The following PTPRT variants were observed in gnomAD, a reference collection of about 807,000 sequenced individuals.
PTPRT encodes protein tyrosine phosphatase receptor type T.
A neutral mutation model predicts 176.8 loss-of-function variants in PTPRT; 56 were observed. The observed-to-expected ratio is 0.32, with a 90% CI of 0.26 to 0.40. The LOEUF (loss-of-function observed/expected upper bound fraction) is 0.40, where lower values mean the gene tolerates loss of function less well. Ranked by LOEUF, PTPRT falls within the 10% of genes least tolerant of loss-of-function variation. The probability of loss-of-function intolerance (pLI) is 1.00; values close to 1 mark genes in which losing one functional copy is unlikely to be tolerated. For missense variants in PTPRT, 1,540 were observed against 1,908.2 expected (o/e 0.81, Z 3.60); for synonymous variants, 783 against 739.0 (o/e 1.06, Z -0.96).
At chr20:43,010,559 G>C (rs984099219) in intron 1 of PTPRT, among the ~76,000 whole-genome samples, 1 of 152,086 alleles carries the variant, frequency 6.6e-6, no homozygotes, top group Admixed American at 6.6e-5. Context: ...GAGATATTGA[G>C]GTAAAGCATT....
chr20:42,560,121 T>C (rs1383775913), intron 7 of PTPRT, among the ~76,000 whole-genome samples: 4 of 152,220 alleles, frequency 2.6e-5, no homozygotes, highest in Non-Finnish European at 5.9e-5. Context: ...CCAGGCTCAC[T>C]GGGAACTCTG....
chr20:42,182,853 C>A (rs1005798018), intron 16 of PTPRT, among the ~76,000 whole-genome samples: 9 of 151,542 alleles, frequency 5.9e-5, no homozygotes, highest in African/African-American at 1.2e-4. Flanking sequence ...TGCTTCATTA[C>A]AGAGAGTTGG....
At chr20:42,489,671 C>G (rs2071528212) in intron 7 of PTPRT, among the ~76,000 whole-genome samples, 1 of 152,162 alleles carries the variant, frequency 6.6e-6, no homozygotes, top group Non-Finnish European at 1.5e-5. Context: ...ACTTTATTCA[C>G]TCAGCATTAT....
intron 9 of PTPRT, among the ~76,000 whole-genome samples, chr20:42,409,784 G>T (rs954324858): frequency 1.3e-5 from 2 of 152,192 alleles, no homozygotes; most frequent in Non-Finnish European, 2.9e-5. Context: ...GTAAAGTTTT[G>T]TTAGAATATA....
intron 30 of PTPRT, 54 bp downstream of exon 30, chr20:42,081,828 G>A: frequency 1.3e-6 from 2 of 1,595,738 alleles, no homozygotes; most frequent in South Asian, 1.1e-5. Flanking sequence ...TTTTCTCCAG[G>A]TCAAGGGAAC....
At chr20:42,811,475 A>G (rs2077696848) in intron 2 of PTPRT, among the ~76,000 whole-genome samples, 1 of 152,238 alleles carries the variant, frequency 6.6e-6, no homozygotes, top group Admixed American at 6.5e-5. Context: ...AGCCTTTCAA[A>G]TACTTCTTTA....
rs11468323 is a variant in PTPRT, at chr20:42,481,777, AACACACACACACACACAC to A, written c.1154-9233_1154-9216del. Among the ~76,000 whole-genome samples, 3 of 144,598 alleles carry A rather than the reference AACACACACACACACACAC, an allele frequency of 2.1e-5. No homozygotes were observed. The East Asian group carries it at 6.0e-4, about 29-fold the overall frequency. 94.9% of individuals were successfully genotyped at this position (144,598 alleles called of 152,430 possible). A position where few individuals can be genotyped will look rare whatever the true frequency, so the allele number is the denominator to read the frequency against. ...AAAAGAAAAAAACCATACACACACA[AACACACACACACACACAC>A]ACACACACACGCGCGCATGTATATA... On this transcript the variant is annotated intron_variant, in intron 7 of 30. Transcript: ENST00000373187.
downstream of PTPRT, among the ~76,000 whole-genome samples, chr20:42,070,180 T>C (rs1982264513): frequency 6.6e-6 from 1 of 152,044 alleles, no homozygotes; most frequent in Non-Finnish European, 1.5e-5. Flanking sequence ...TCTTCTTGCC[T>C]TCTGCATGGT....
chr20:43,110,053 A>G lies in PTPRT; in HGVS notation c.88+79593T>C, dbSNP rs138695579. On this transcript the variant is annotated intron_variant, in intron 1 of 30. Transcript: ENST00000373187. The stretch of plus-strand genomic sequence containing the variant: ...AAAGGAAAATCTGAGCTTATAAAGA[A>G]AAATTGTTTACTTGACTCATGATTT... 6.4e-4 allele frequency among the ~76,000 whole-genome samples: 98 copies of G among 152,284 alleles called. 2 individuals are homozygous for G. The South Asian group carries it at 0.015, about 24-fold the overall frequency.
At chr20:42,082,812 G>A (rs1983469317) in intron 29 of PTPRT, among the ~76,000 whole-genome samples, 1 of 152,186 alleles carries the variant, frequency 6.6e-6, no homozygotes, top group South Asian at 2.1e-4. Flanking sequence ...TCCTGGGCGT[G>A]TTGCCAAGAG....
At chr20:42,194,994 C>T (rs1350313659) in intron 16 of PTPRT, among the ~76,000 whole-genome samples, 2 of 151,714 alleles carry the variant, frequency 1.3e-5, no homozygotes, top group African/African-American at 2.4e-5. Flanking sequence ...CATCACACAC[C>T]GGGGCCTGTT....
chr20:42,970,219 A>G (rs1344535562), intron 1 of PTPRT, among the ~76,000 whole-genome samples: 1 of 152,206 alleles, frequency 6.6e-6, no homozygotes, highest in African/African-American at 2.4e-5. Flanking sequence ...GGGTATCCGG[A>G]TCATAATTAC....
chr20:42,791,105 T>C, intron 3 of PTPRT, 90 bp downstream of exon 3: 1 of 1,451,524 alleles, frequency 6.9e-7, no homozygotes, highest in Non-Finnish European at 9.2e-7. Context: ...ATAAATGAAG[T>C]CCTTTCTAGA....
intron 1 of PTPRT, among the ~76,000 whole-genome samples, chr20:42,908,139 C>G (rs1227965661): frequency 2.0e-5 from 3 of 152,100 alleles, no homozygotes; most frequent in Admixed American, 2.0e-4. Context: ...ACACGACCCA[C>G]CGGGAAGGCA....
intron 7 of PTPRT, among the ~76,000 whole-genome samples, chr20:42,476,899 A>G (rs1164987438): frequency 2.0e-5 from 3 of 152,190 alleles, no homozygotes; most frequent in African/African-American, 7.2e-5. Flanking sequence ...TGGGTCAGTT[A>G]CACATGTATG....
intron 7 of PTPRT, among the ~76,000 whole-genome samples, chr20:42,540,905 G>T (rs1029302170): frequency 1.3e-5 from 2 of 152,092 alleles, no homozygotes; most frequent in Admixed American, 6.5e-5. Flanking sequence ...AGTGATGGGT[G>T]GGGAGTACAG....
intron 1 of PTPRT, among the ~76,000 whole-genome samples, chr20:43,083,312 C>T (rs1942027435): frequency 1.5e-5 from 1 of 67,704 alleles, no homozygotes; most frequent in Non-Finnish European, 3.3e-5. Context: ...GATTCACCCA[C>T]TTCAAATGTA....
chr20:42,433,189 G>T (rs2059230877), intron 9 of PTPRT, among the ~76,000 whole-genome samples: 1 of 152,090 alleles, frequency 6.6e-6, no homozygotes, highest in Non-Finnish European at 1.5e-5. Context: ...TTATCTTCTT[G>T]TTGGCCCATA....
chr20:42,819,496 G>C (rs1438373303), intron 2 of PTPRT, among the ~76,000 whole-genome samples: 3 of 152,092 alleles, frequency 2.0e-5, no homozygotes, highest in African/African-American at 4.8e-5. Flanking sequence ...GCATCAACTA[G>C]TGTGCAAAAT....
Sources: gnomAD v4.1 joint callset for allele counts (sites outside exome capture counted in the v4.1 genomes callset) on GRCh38, gnomAD v4.1.1 for gene constraint, MANE v1.5 for transcripts, NCBI Gene and HGNC (gene_info 2026-07-23, HGNC 2026-07-21) for gene names.